Variants in KCNH5 observed in about 807,000 individuals in gnomAD.
KCNH5 encodes potassium voltage-gated channel subfamily H member 5.
Under a neutral mutation model 96.1 loss-of-function variants are expected in KCNH5, and 46 were observed. The ratio of observed to expected loss-of-function variants is 0.48; its 90% confidence interval spans 0.38 to 0.61. The LOEUF is 0.61. Among genes scored for constraint, KCNH5 ranks in the 20% least tolerant of loss-of-function variants. The pLI, the probability that KCNH5 is intolerant of heterozygous loss-of-function variation, is 0.00. For missense variants in KCNH5, 907 were observed against 1,225.8 expected, an observed-to-expected ratio of 0.74 and a Z score of 3.88; for synonymous variants, 439 against 449.8, an observed-to-expected ratio of 0.98 and a Z score of 0.30.
chr14:63,001,497 GT>G (rs1307933638), intron 3 of KCNH5, 38 bp from the exon 4 acceptor site: 1 of 1,580,084 alleles, frequency 6.3e-7, no homozygotes, highest in African/African-American at 1.4e-5. Flanking sequence ...ACATTAGAGT[GT>G]GGCACGGCCA....
At chr14:62,716,149 G>A (rs1884680563) in intron 10 of KCNH5, among the ~76,000 whole-genome samples, 1 of 152,088 alleles carries the variant, frequency 6.6e-6, no homozygotes, top group Admixed American at 6.5e-5. Flanking sequence ...CAATACCTAT[G>A]TTTTTATTTG....
chr14:62,745,931 C>G (rs1397944698), intron 10 of KCNH5, among the ~76,000 whole-genome samples: 1 of 152,144 alleles, frequency 6.6e-6, no homozygotes, highest in Non-Finnish European at 1.5e-5. Flanking sequence ...GTATCTTGGA[C>G]CCTTCAAGCC....
intron 6 of KCNH5, among the ~76,000 whole-genome samples, chr14:62,955,157 G>A (rs1890080412): frequency 6.6e-6 from 1 of 151,706 alleles, no homozygotes; most frequent in South Asian, 2.1e-4. Context: ...GGAGATTGGA[G>A]CAGGGCACTA....
At chr14:62,806,896 G>T (rs558515851) in intron 8 of KCNH5, among the ~76,000 whole-genome samples, 1 of 152,240 alleles carries the variant, frequency 6.6e-6, no homozygotes, top group Admixed American at 6.5e-5. Flanking sequence ...GGCTGTGGGT[G>T]ACAGGGTTAG....
intron 1 of KCNH5, among the ~76,000 whole-genome samples, chr14:63,039,624 A>C (rs1032063897): frequency 6.6e-6 from 1 of 152,110 alleles, no homozygotes; most frequent in Non-Finnish European, 1.5e-5. Context: ...GCGTATTACC[A>C]TAAAATTTTA....
intron 8 of KCNH5, among the ~76,000 whole-genome samples, chr14:62,839,810 C>T (rs1307306071): frequency 6.6e-6 from 1 of 152,128 alleles, no homozygotes; most frequent in African/African-American, 2.4e-5. Flanking sequence ...TGTTAGCACA[C>T]AGGTAATTTG....
chr14:62,757,611 C>T (rs919175930), intron 10 of KCNH5, among the ~76,000 whole-genome samples: 2 of 119,190 alleles, frequency 1.7e-5, no homozygotes, highest in African/African-American at 6.5e-5. Context: ...ACTATTCAGC[C>T]AAAAAAAAAA....
chr14:62,830,725 G>A (rs1887329038), intron 8 of KCNH5, among the ~76,000 whole-genome samples: 1 of 152,150 alleles, frequency 6.6e-6, no homozygotes, highest in African/African-American at 2.4e-5. Context: ...GGGACATGGA[G>A]CCAAACCATA....
At chr14:62,758,763 C>G (rs941304461) in intron 10 of KCNH5, among the ~76,000 whole-genome samples, 8 of 152,038 alleles carry the variant, frequency 5.3e-5, no homozygotes, top group Non-Finnish European at 1.2e-4. Context: ...ACAGTAAATA[C>G]CAACCAAATG....
chr14:63,008,082 T>C (rs1047943175), intron 2 of KCNH5, among the ~76,000 whole-genome samples: 9 of 152,256 alleles, frequency 5.9e-5, no homozygotes, highest in Middle Eastern at 3.4e-3. Flanking sequence ...GGAAAGAAAA[T>C]GTGGCATTAC....
intron 10 of KCNH5, among the ~76,000 whole-genome samples, chr14:62,759,632 T>C (rs1411092978): frequency 6.7e-6 from 1 of 148,928 alleles, no homozygotes; most frequent in Admixed American, 6.8e-5. Flanking sequence ...CCTGATTGAA[T>C]TTTTGAATTT....
chr14:62,794,514 G>A (rs1886499905), intron 9 of KCNH5, among the ~76,000 whole-genome samples: 1 of 151,660 alleles, frequency 6.6e-6, no homozygotes, highest in African/African-American at 2.4e-5. Context: ...ATATTACAGA[G>A]TTTCAGTTTC....
At chr14:62,917,405 T>C (rs770504886) in intron 7 of KCNH5, among the ~76,000 whole-genome samples, 5 of 151,330 alleles carry the variant, frequency 3.3e-5, no homozygotes, top group Non-Finnish European at 5.9e-5. Flanking sequence ...GCCCAAGATA[T>C]CCTGCATCCA....
At chr14:62,870,523 A>T (rs962956087) in intron 7 of KCNH5, among the ~76,000 whole-genome samples, 3 of 152,154 alleles carry the variant, frequency 2.0e-5, no homozygotes, top group African/African-American at 7.2e-5. Flanking sequence ...CACACATAAA[A>T]ATAGGTAATA....
At position 62,897,878 on chromosome 14, in the gene KCNH5, G is replaced by A. The variant is rs979864938; in HGVS notation, c.1370-48026C>T. 3.9e-5 allele frequency among the ~76,000 whole-genome samples: 6 copies of A among 152,160 alleles called. No homozygotes were observed. In the South Asian group the frequency reaches 6.2e-4, roughly 16 times the overall value. ...GGGAGGGGTGGTAATTGAAACTTCC[G>A]TTAAATCAGTCCCATGGAAATGGAG... On this transcript the variant is annotated intron_variant, in intron 7 of 10. Coordinates refer to ENST00000322893, the MANE Select transcript of KCNH5 (RefSeq NM_139318.5).
At chr14:62,985,702 C>T (rs1890693922) in intron 5 of KCNH5, among the ~76,000 whole-genome samples, 1 of 152,072 alleles carries the variant, frequency 6.6e-6, no homozygotes, top group Non-Finnish European at 1.5e-5. Context: ...AGGGTAACAT[C>T]GTCTAGTCAC....
chr14:62,887,209 T>C (rs1197377644), intron 7 of KCNH5, among the ~76,000 whole-genome samples: 1 of 152,178 alleles, frequency 6.6e-6, no homozygotes, highest in Non-Finnish European at 1.5e-5. Context: ...CAAGTAGACT[T>C]CAGAGCAATA....
At chr14:62,868,579 G>A (rs1360757697) in intron 7 of KCNH5, among the ~76,000 whole-genome samples, 1 of 151,836 alleles carries the variant, frequency 6.6e-6, no homozygotes, top group Admixed American at 6.6e-5. Context: ...TATACTTTAA[G>A]TTCTGGGACA....
chr14:62,879,325 C>T (rs896054670), intron 7 of KCNH5, among the ~76,000 whole-genome samples: 15 of 152,184 alleles, frequency 9.9e-5, no homozygotes, highest in Non-Finnish European at 2.2e-4. Context: ...AAAGTTAAAC[C>T]ATATGACCAA....
Sources: allele counts gnomAD v4.1 joint callset (sites outside exome capture counted in the v4.1 genomes callset), GRCh38; gene constraint gnomAD v4.1.1; transcripts MANE v1.5; gene names NCBI Gene and HGNC (gene_info 2026-07-23, HGNC 2026-07-21).